STAU2: variants seen among roughly 807,000 people sequenced by gnomAD.
STAU2 encodes staufen double-stranded RNA binding protein 2, also known as double-stranded RNA-binding protein Staufen homolog 2.
STAU2 carries 20 observed loss-of-function variants against 65.9 expected under a neutral mutation model. That is an observed-to-expected ratio of 0.30 (90% CI 0.21 to 0.44). The LOEUF (loss-of-function observed/expected upper bound fraction) is 0.44, where lower values mean the gene tolerates loss of function less well. Ranked by LOEUF, STAU2 falls within the 20% of genes least tolerant of loss-of-function variation. The pLI is 1.00. For synonymous variants in STAU2, 232 were observed against 233.9 expected, an observed-to-expected ratio of 0.99 and a Z score of 0.07; for missense variants, 558 against 683.9, an observed-to-expected ratio of 0.82 and a Z score of 2.05.
chr8:73,563,465 G>T (rs959170350), intron 12 of STAU2, among the ~76,000 whole-genome samples: 7 of 152,036 alleles, frequency 4.6e-5, no homozygotes, highest in African/African-American at 1.7e-4. Context: ...TAGGGGAAAG[G>T]GTATGGCTAT....
At chr8:73,474,681 T>G (rs1820221745) in intron 13 of STAU2, among the ~76,000 whole-genome samples, 1 of 152,184 alleles carries the variant, frequency 6.6e-6, no homozygotes, top group Non-Finnish European at 1.5e-5. Context: ...TGGTTTGAAT[T>G]TAAGTTAATC....
At chr8:73,484,956 T>A (rs984727766) in intron 13 of STAU2, among the ~76,000 whole-genome samples, 2 of 152,078 alleles carry the variant, frequency 1.3e-5, no homozygotes, top group Non-Finnish European at 2.9e-5. Context: ...CAATTTTACA[T>A]CATAATTACA....
chr8:73,520,958 T>C (rs1823007399), intron 13 of STAU2, among the ~76,000 whole-genome samples: 1 of 152,158 alleles, frequency 6.6e-6, no homozygotes, highest in Non-Finnish European at 1.5e-5. Context: ...TCCTGGCTGA[T>C]ACACTCCATT....
chr8:73,423,474 C>T (rs1245524126), intron 13 of STAU2, among the ~76,000 whole-genome samples: 1 of 152,168 alleles, frequency 6.6e-6, no homozygotes, highest in African/African-American at 2.4e-5. Flanking sequence ...TTCCTCCCCT[C>T]CCCCAAGCCC....
intron 5 of STAU2, among the ~76,000 whole-genome samples, chr8:73,682,513 G>A (rs1053741412): frequency 2.0e-5 from 3 of 151,894 alleles, no homozygotes; most frequent in East Asian, 1.9e-4. Context: ...ATGCCTGCAT[G>A]AAAAAGTCTG....
At chr8:73,747,218 C>T (rs1233091089), upstream of STAU2, 1 of 753,204 alleles carries the variant, frequency 1.3e-6, no homozygotes, top group East Asian at 3.3e-5. Flanking sequence ...AAGGAGCGCG[C>T]CCGGTCCGCA....
intron 12 of STAU2, among the ~76,000 whole-genome samples, chr8:73,564,986 G>A (rs1455427766): frequency 1.3e-5 from 2 of 152,216 alleles, no homozygotes; most frequent in Non-Finnish European, 2.9e-5. Flanking sequence ...GTTGGTTCTT[G>A]CCTTTGCTCC....
intron 13 of STAU2, among the ~76,000 whole-genome samples, chr8:73,549,231 A>G (rs1251801819): frequency 6.6e-6 from 1 of 152,198 alleles, no homozygotes; most frequent in Non-Finnish European, 1.5e-5. Context: ...TCTGAAGTTC[A>G]CAGAACTACT....
intron 12 of STAU2, among the ~76,000 whole-genome samples, chr8:73,573,804 A>G (rs202172891): frequency 6.6e-6 from 1 of 152,162 alleles, no homozygotes; most frequent in African/African-American, 2.4e-5. Context: ...AAAAACCCTA[A>G]AAGAAAACCT....
intron 13 of STAU2, chr8:73,550,450 A>T: frequency 1.0e-6 from 1 of 985,724 alleles, no homozygotes; most frequent in Non-Finnish European, 1.2e-6. Flanking sequence ...CAAAAAATCA[A>T]TTCAGAGCTT....
intron 13 of STAU2, among the ~76,000 whole-genome samples, chr8:73,468,155 C>T (rs1819765821): frequency 6.6e-6 from 1 of 152,138 alleles, no homozygotes; most frequent in Admixed American, 6.5e-5. Context: ...TAATACCACA[C>T]ATCTATACTA....
At chr8:73,568,769 G>A (rs1433021608) in intron 12 of STAU2, among the ~76,000 whole-genome samples, 1 of 152,208 alleles carries the variant, frequency 6.6e-6, no homozygotes, top group Admixed American at 6.5e-5. Flanking sequence ...TTCAGTATAA[G>A]TAACAGATGG....
intron 6 of STAU2, among the ~76,000 whole-genome samples, chr8:73,646,645 T>C (rs1321676891): frequency 6.6e-6 from 1 of 152,064 alleles, no homozygotes; most frequent in African/African-American, 2.4e-5. Flanking sequence ...GAGAACACCT[T>C]TGGGGATCTA....
chr8:73,639,136 T>C (rs900009153), intron 6 of STAU2, among the ~76,000 whole-genome samples: 1 of 152,122 alleles, frequency 6.6e-6, no homozygotes, highest in Non-Finnish European at 1.5e-5. Context: ...TAAATTGTAG[T>C]ATCTTGTTTT....
intron 3 of STAU2, among the ~76,000 whole-genome samples, chr8:73,728,981 TCCGTGCCTTGTTC>T (rs1442318663): frequency 3.9e-5 from 6 of 152,226 alleles, no homozygotes; most frequent in Non-Finnish European, 7.3e-5. Flanking sequence ...AGAATGGGTA[TCCGTGCCTTGTTC>T]CTGATCATAA....
intron 3 of STAU2, among the ~76,000 whole-genome samples, chr8:73,733,369 C>A (rs1334615006): frequency 6.6e-6 from 1 of 152,198 alleles, no homozygotes; most frequent in Non-Finnish European, 1.5e-5. Context: ...CCTACTTCAG[C>A]TACTCATTTA....
At chr8:73,569,915 AG>A (rs1017561544) in intron 12 of STAU2, among the ~76,000 whole-genome samples, 4 of 152,230 alleles carry the variant, frequency 2.6e-5, no homozygotes, top group Non-Finnish European at 5.9e-5. Context: ...TCTCCTCCAA[AG>A]GAATACAGCT....
rs191444930 is a variant in STAU2 at position 73,679,577 on chromosome 8, G to A, written c.275-6335C>T. 4.1e-4 allele frequency among the ~76,000 whole-genome samples: 62 copies of A among 152,106 alleles called. 1 individual carries two copies. The highest frequency in any genetic ancestry group is 3.7e-3 in the Admixed American group (57 of 15,270). Reference sequence around the variant, plus strand: ...CTGAAACAAATTTAGAGAGCTGAGCGAAATATAAAAGTAGAAGAAGCAGGC... The same window carrying A: ...CTGAAACAAATTTAGAGAGCTGAGCAAAATATAAAAGTAGAAGAAGCAGGC... On this transcript the variant is annotated intron_variant, in intron 5 of 14. Coordinates refer to ENST00000524300, the MANE Select transcript of STAU2 (RefSeq NM_001164380.2).
chr8:73,669,281 A>C (rs1406465700), intron 6 of STAU2, among the ~76,000 whole-genome samples: 1 of 152,172 alleles, frequency 6.6e-6, no homozygotes, highest in East Asian at 1.9e-4. Context: ...AATATCATAA[A>C]ATAAAGACAC....
Sources: gnomAD v4.1 joint callset for allele counts (sites outside exome capture counted in the v4.1 genomes callset) on GRCh38, gnomAD v4.1.1 for gene constraint, MANE v1.5 for transcripts, NCBI Gene and HGNC (gene_info 2026-07-23, HGNC 2026-07-21) for gene names.